ANO1: variants seen among roughly 807,000 people sequenced by gnomAD.
The protein encoded by ANO1 is anoctamin-1.
Under a neutral mutation model 124.0 loss-of-function variants are expected in ANO1, and 59 were observed. The ratio of observed to expected loss-of-function variants is 0.48; its 90% confidence interval spans 0.39 to 0.59. ANO1 has a LOEUF of 0.59. Among genes scored for constraint, ANO1 ranks in the 20% least tolerant of loss-of-function variants. The pLI, the probability that ANO1 is intolerant of heterozygous loss-of-function variation, is 0.00. For missense variants in ANO1, 1,059 were observed against 1,328.0 expected, an observed-to-expected ratio of 0.80 and a Z score of 3.15; for synonymous variants, 529 against 532.0, an observed-to-expected ratio of 0.99 and a Z score of 0.08.
Position 70,180,053 on chromosome 11 carries a change from C to A in ANO1, c.2400C>A (p.Ile800=), listed in dbSNP as rs1312362688. Residue 800 remains isoleucine (I), a synonymous_variant, in exon 23 of 26, where the codon ATC becomes ATA. Coordinates refer to ENST00000355303, the MANE Select transcript of ANO1 (RefSeq NM_018043.7). The part of the protein sequence containing the change: ...LRGIGKLAVI[I]NAFVISFTSD... Reference sequence around the variant, plus strand: ...GCATTGGGAAGCTTGCTGTCATCATCAATGTAAGTGACATCAGGGACCTTG... The same window carrying A: ...GCATTGGGAAGCTTGCTGTCATCATAAATGTAAGTGACATCAGGGACCTTG... 1.2e-6 allele frequency: 2 copies of A among 1,612,536 alleles called. No homozygotes were observed. Among genetic ancestry groups the A allele is most frequent in the East Asian group, 2.2e-5 (1 of 44,864 alleles).
chr11:70,031,063 G>C (rs1429948171), intron 1 of ANO1, among the ~76,000 whole-genome samples: 2 of 152,182 alleles, frequency 1.3e-5, no homozygotes, highest in Non-Finnish European at 2.9e-5. Flanking sequence ...TCGTGCCTCA[G>C]CTTCCTTAGT....
At chr11:70,095,377 A>G (rs1378883781) in intron 2 of ANO1, among the ~76,000 whole-genome samples, 2 of 34,870 alleles carry the variant, frequency 5.7e-5, no homozygotes, top group Non-Finnish European at 1.4e-4. Flanking sequence ...AAAGAAAGAA[A>G]GAAAGAAAGA....
rs368994897 is a variant in ANO1 at position 70,180,030 on chromosome 11, A to G, written c.2377A>G (p.Ile793Val). ...AATCTGGTACAATATCCTCAGAGGC[A>G]TTGGGAAGCTTGCTGTCATCATCAA... The part of the protein sequence containing the change: ...IGIWYNILRG[I>V]GKLAVIINAF... Residue 793 changes from isoleucine (I) to valine (V), a missense_variant, in exon 23 of 26, where the codon ATT becomes GTT. Transcript: ENST00000355303. The G allele has an allele frequency of 1.1e-4, 177 of 1,613,162 alleles. No individual in the cohort carries two copies. Among genetic ancestry groups the G allele is most frequent in the Non-Finnish European group, 1.5e-4 (172 of 1,179,282 alleles).
chr11:70,133,003 G>C (rs1036307526), intron 11 of ANO1, among the ~76,000 whole-genome samples: 4 of 152,190 alleles, frequency 2.6e-5, no homozygotes, highest in Admixed American at 6.5e-5. Context: ...ACATGGGTGT[G>C]GGGGAGGCAG....
intron 2 of ANO1, 42 bp from the exon 3 acceptor site, chr11:70,103,024 G>C: frequency 1.5e-6 from 2 of 1,361,670 alleles, no homozygotes; most frequent in Non-Finnish European, 2.0e-6. Flanking sequence ...CCACAGAGAT[G>C]CACCGCCCCC....
intron 2 of ANO1, among the ~76,000 whole-genome samples, chr11:70,100,600 A>C (rs1165522030): frequency 6.6e-6 from 1 of 152,164 alleles, no homozygotes; most frequent in Non-Finnish European, 1.5e-5. Context: ...CTGAAGGAGA[A>C]TGAACACCCA....
chr11:69,966,798 C>T, the ANO1 span, among the ~76,000 whole-genome samples: 1 of 152,166 alleles, frequency 6.6e-6, no homozygotes, highest in Non-Finnish European at 1.5e-5. Context: ...TAAGCAGTGT[C>T]CCACCCTGCC....
chr11:70,098,376 T>C (rs528707763), intron 2 of ANO1, among the ~76,000 whole-genome samples: 3 of 152,286 alleles, frequency 2.0e-5, no homozygotes, highest in South Asian at 4.1e-4. Context: ...CACACACCCA[T>C]GGTTCCTGCC....
At chr11:70,034,513 C>A (rs1424746541) in intron 1 of ANO1, among the ~76,000 whole-genome samples, 1 of 152,144 alleles carries the variant, frequency 6.6e-6, no homozygotes, top group Non-Finnish European at 1.5e-5. Context: ...ATGTAAAAAA[C>A]CAACAAAAAT....
At chr11:70,151,430 CTT>C (rs2047598848) in intron 12 of ANO1, among the ~76,000 whole-genome samples, 1 of 152,178 alleles carries the variant, frequency 6.6e-6, no homozygotes, top group Admixed American at 6.5e-5. Flanking sequence ...GGTCTCTTCC[CTT>C]GCCGTTTCAA....
chr11:70,013,383 C>CT (rs72435989), intron 1 of ANO1, among the ~76,000 whole-genome samples: 9 of 152,070 alleles, frequency 5.9e-5, no homozygotes, highest in African/African-American at 9.7e-5. Flanking sequence ...CCAGGCTTGC[C>CT]TTTTTTTTAA....
At chr11:70,087,669 G>A (rs1477872733) in intron 1 of ANO1, 83 bp from the exon 2 acceptor site, 25 of 1,308,474 alleles carry the variant, frequency 1.9e-5, no homozygotes, top group Non-Finnish European at 2.5e-5. Context: ...TGAGGAGTGA[G>A]TGGATGAAGG....
intron 1 of ANO1, among the ~76,000 whole-genome samples, chr11:70,027,962 G>GT (rs1856938440): frequency 6.6e-6 from 1 of 152,160 alleles, no homozygotes; most frequent in Non-Finnish European, 1.5e-5. Context: ...GGTCTCTGTG[G>GT]TTTTTTGTTG....
intron 8 of ANO1, 45 bp from the exon 9 acceptor site, chr11:70,124,305 C>T: frequency 6.3e-7 from 1 of 1,597,148 alleles, no homozygotes; most frequent in South Asian, 1.1e-5. Flanking sequence ...GGAGCAACCT[C>T]GGAGTGCCAC....
intron 1 of ANO1, among the ~76,000 whole-genome samples, chr11:70,035,832 T>A (rs1045290975): frequency 6.6e-6 from 1 of 152,180 alleles, no homozygotes; most frequent in African/African-American, 2.4e-5. Context: ...GCTTCATCCA[T>A]GTCCCTGCAA....
chr11:70,025,768 T>C (rs921915447), intron 1 of ANO1, among the ~76,000 whole-genome samples: 1 of 147,044 alleles, frequency 6.8e-6, no homozygotes, highest in Non-Finnish European at 1.5e-5. Context: ...GTGGTGACGA[T>C]GATGATGGTG....
At chr11:70,158,138 G>A (rs886381433) in intron 16 of ANO1, among the ~76,000 whole-genome samples, 4 of 152,186 alleles carry the variant, frequency 2.6e-5, no homozygotes, top group South Asian at 2.1e-4. Flanking sequence ...GACAGGACAC[G>A]ATAGTGCTAC....
At chr11:70,156,220 C>G (rs986866494) in intron 15 of ANO1, among the ~76,000 whole-genome samples, 3 of 151,974 alleles carry the variant, frequency 2.0e-5, no homozygotes, top group Non-Finnish European at 2.9e-5. Context: ...ACTTGGAGCT[C>G]GTGAAACGTG....
intron 1 of ANO1, among the ~76,000 whole-genome samples, chr11:70,079,561 G>T (rs2044142065): frequency 6.6e-6 from 1 of 152,192 alleles, no homozygotes; most frequent in African/African-American, 2.4e-5. Flanking sequence ...TGCCGGAAGA[G>T]GATAGGACAG....
Sources: gnomAD v4.1 joint callset for allele counts (sites outside exome capture counted in the v4.1 genomes callset) on GRCh38, gnomAD v4.1.1 for gene constraint, MANE v1.5 for transcripts, NCBI Gene and HGNC (gene_info 2026-07-23, HGNC 2026-07-21) for gene names.